The following GPHN variants were observed in gnomAD, a reference collection of about 807,000 sequenced individuals.
The protein encoded by GPHN is gephyrin.
A neutral mutation model predicts 95.5 loss-of-function variants in GPHN; 17 were observed. That is an observed-to-expected ratio of 0.18 (90% CI 0.12 to 0.27). The LOEUF is 0.27. Ranked by LOEUF, GPHN falls within the 10% of genes least tolerant of loss-of-function variation. The probability of loss-of-function intolerance (pLI) is 1.00; values close to 1 mark genes in which losing one functional copy is unlikely to be tolerated. For missense variants in GPHN, 660 were observed against 978.1 expected, an observed-to-expected ratio of 0.67 and a Z score of 4.34; for synonymous variants, 320 against 322.5, an observed-to-expected ratio of 0.99 and a Z score of 0.08.
intron 10 of GPHN, among the ~76,000 whole-genome samples, chr14:67,056,761 G>A (rs577414478): frequency 3.8e-4 from 58 of 152,134 alleles, no homozygotes; most frequent in African/African-American, 1.3e-3. Context: ...GGGACTGGGC[G>A]CTGTGGAGCA....
At chr14:66,986,128 TA>T (rs5809323) in intron 9 of GPHN, among the ~76,000 whole-genome samples, 53,389 of 151,748 alleles carry the variant, frequency 0.35, 13,620 homozygotes, top group African/African-American at 0.71. Context: ...CTTTTTTTTG[TA>T]AAAAAAATAA....
chr14:66,847,851 T>C (rs989694151), intron 4 of GPHN, among the ~76,000 whole-genome samples: 2 of 152,032 alleles, frequency 1.3e-5, no homozygotes, highest in Non-Finnish European at 2.9e-5. Context: ...TTAATCTCTC[T>C]TCTCCCCCTA....
chr14:66,785,735 A>C (rs1010311325), intron 3 of GPHN, among the ~76,000 whole-genome samples: 1 of 146,346 alleles, frequency 6.8e-6, no homozygotes, highest in Non-Finnish European at 1.5e-5. Context: ...AAAACAAACA[A>C]AAAAAAAAAA....
At chr14:67,183,892 G>A (rs1248989498), downstream of GPHN, among the ~76,000 whole-genome samples, 3 of 141,820 alleles carry the variant, frequency 2.1e-5, no homozygotes, top group Non-Finnish European at 4.6e-5. Context: ...TCACTCTGTC[G>A]CCCAGGCTGG....
At chr14:67,493,439 T>A in the GPHN span, among the ~76,000 whole-genome samples, 1 of 152,192 alleles carries the variant, frequency 6.6e-6, no homozygotes, top group Non-Finnish European at 1.5e-5. Flanking sequence ...AGGGTCTGTG[T>A]TAGGGATAAA....
chr14:67,443,366 TAC>T, the GPHN span, among the ~76,000 whole-genome samples: 2 of 152,214 alleles, frequency 1.3e-5, no homozygotes, highest in African/African-American at 4.8e-5. Flanking sequence ...GCAGAACACC[TAC>T]CACTACCACA....
chr14:67,334,874 A>G, the GPHN span: 24 of 152,282 alleles, frequency 1.6e-4, no homozygotes, highest in South Asian at 4.6e-3. Flanking sequence ...ATGGTTGACA[A>G]TGGAGTTTTG....
At chr14:67,427,942 G>A in the GPHN span, among the ~76,000 whole-genome samples, 1 of 140,678 alleles carries the variant, frequency 7.1e-6, no homozygotes, top group African/African-American at 2.8e-5. Flanking sequence ...TTTTTTTTGA[G>A]ACAAAGTCTC....
At chr14:67,038,896 C>G (rs2074563181) in intron 10 of GPHN, among the ~76,000 whole-genome samples, 1 of 152,084 alleles carries the variant, frequency 6.6e-6, no homozygotes, top group African/African-American at 2.4e-5. Context: ...AGTCATGGAA[C>G]CCTCTGCTGC....
intron 2 of GPHN, among the ~76,000 whole-genome samples, chr14:66,766,146 C>T (rs1566920998): frequency 6.6e-6 from 1 of 152,112 alleles, no homozygotes; most frequent in Non-Finnish European, 1.5e-5. Flanking sequence ...GACTGGAATC[C>T]AAGTGGAAAA....
At chr14:67,161,033 A>G (rs531771289) in intron 19 of GPHN, among the ~76,000 whole-genome samples, 7 of 152,300 alleles carry the variant, frequency 4.6e-5, no homozygotes, top group African/African-American at 1.7e-4. Flanking sequence ...GCTCACGCCT[A>G]TAATCCCCAA....
chr14:67,515,885 C>T, the GPHN span, among the ~76,000 whole-genome samples: 2 of 152,242 alleles, frequency 1.3e-5, no homozygotes, highest in South Asian at 2.1e-4. Flanking sequence ...TGTTTATCCC[C>T]ATTTCCAAGA....
At position 67,125,794 on chromosome 14, in the gene GPHN, CAGTA is replaced by C. The variant is rs1180584624; in HGVS notation, c.1748+3420_1748+3423del. Among the ~76,000 whole-genome samples, 9 of 151,156 alleles carry C rather than the reference CAGTA, an allele frequency of 6.0e-5. No homozygotes were observed. The East Asian group carries it at 1.6e-3, about 26-fold the overall frequency. On this transcript the variant is annotated intron_variant, in intron 17 of 22. Coordinates refer to ENST00000478722, the MANE Select transcript of GPHN (RefSeq NM_020806.5). ...TCTGTCTCAAAAAAAAAAAAAAAGT[CAGTA>C]AGCACAGAACCTTACTCAACTATGA...
the GPHN span, chr14:67,600,088 C>T: frequency 1.3e-6 from 2 of 1,594,392 alleles, no homozygotes; most frequent in Non-Finnish European, 1.7e-6. Context: ...GGTGAGCGAA[C>T]GCAGCGAGAG....
At chr14:67,019,909 C>T (rs980813251) in intron 9 of GPHN, among the ~76,000 whole-genome samples, 4 of 152,312 alleles carry the variant, frequency 2.6e-5, no homozygotes, top group East Asian at 1.9e-4. Flanking sequence ...ACCACTGCTA[C>T]GCTTTCGTGT....
At chr14:67,734,152 A>T in the GPHN span, 1 of 333,894 alleles carries the variant, frequency 3.0e-6, no homozygotes, top group Non-Finnish European at 5.9e-6. Context: ...GAAGAGCCCG[A>T]GAAATTGGGT....
Position 67,168,991 on chromosome 14 carries a change from A to G in GPHN, c.2034A>G (p.Lys678=), listed in dbSNP as rs1025367988. 1.9e-6 allele frequency: 3 copies of G among 1,613,704 alleles called. No individual in the cohort carries two copies. Among genetic ancestry groups the G allele is most frequent in the Admixed American group, 3.3e-5 (2 of 60,004 alleles). Residue 678 remains lysine (K), a synonymous_variant, in exon 21 of 23, where the codon AAA becomes AAG. Transcript: ENST00000478722. ...TCTTTGTTGTGCCTGCACTGAGGAA[A>G]ATGCAGGGCATCTTGGATCCTCGGC... ...CNLFVVPALR[K]MQGILDPRPT...
chr14:67,498,802 A>G, the GPHN span, among the ~76,000 whole-genome samples: 3 of 152,050 alleles, frequency 2.0e-5, no homozygotes, highest in South Asian at 6.2e-4. Context: ...AGTAGCTGAG[A>G]TTATAGGTGC....
At chr14:67,700,826 AC>A in the GPHN span, among the ~76,000 whole-genome samples, 3 of 151,888 alleles carry the variant, frequency 2.0e-5, no homozygotes, top group African/African-American at 7.3e-5. Context: ...GGAGTTTAAG[AC>A]CAGGCTGGCT....
Sources: allele counts gnomAD v4.1 joint callset (sites outside exome capture counted in the v4.1 genomes callset), GRCh38; gene constraint gnomAD v4.1.1; transcripts MANE v1.5; gene names NCBI Gene and HGNC (gene_info 2026-07-23, HGNC 2026-07-21).